PITPNM3: variants seen among roughly 807,000 people sequenced by gnomAD.
PITPNM3 encodes PITPNM family member 3.
PITPNM3 carries 26 observed loss-of-function variants against 102.0 expected under a neutral mutation model. That is an observed-to-expected ratio of 0.25 (90% CI 0.19 to 0.35). The LOEUF (loss-of-function observed/expected upper bound fraction) is 0.35. PITPNM3 is among the 10% of genes least tolerant of loss of function. The pLI is 1.00. For synonymous variants in PITPNM3, 578 were observed against 558.6 expected (o/e 1.03, Z -0.49); for missense variants, 1,083 against 1,346.1 (o/e 0.80, Z 3.06).
chr17:6,482,528 A>C (rs1905803522), intron 6 of PITPNM3, among the ~76,000 whole-genome samples: 1 of 152,134 alleles, frequency 6.6e-6, no homozygotes, highest in African/African-American at 2.4e-5. Flanking sequence ...CCGATCTAGC[A>C]ATTAATTGAA....
chr17:6,502,122 T>A (rs1484468231), intron 4 of PITPNM3, among the ~76,000 whole-genome samples: 2 of 152,222 alleles, frequency 1.3e-5, no homozygotes, highest in African/African-American at 4.8e-5. Flanking sequence ...AAGGGCTTTG[T>A]CTATGAAATT....
intron 1 of PITPNM3, among the ~76,000 whole-genome samples, chr17:6,551,735 AT>A (rs199818713): frequency 0.017 from 2,525 of 149,472 alleles, 89 homozygotes; most frequent in East Asian, 0.13. Flanking sequence ...TATTAAAAAA[AT>A]TTTTTTTTTT....
chr17:6,478,223 G>A lies in PITPNM3; in HGVS notation c.778-126C>T, dbSNP rs1449840382. Reference sequence around the variant, plus strand: ...CTCGTCCTTGGGAGGTGTTGAGAGAGCCCAACTGGGAAGCAGTGTGCAAAC... The same window carrying A: ...CTCGTCCTTGGGAGGTGTTGAGAGAACCCAACTGGGAAGCAGTGTGCAAAC... On this transcript the variant is annotated intron_variant, in intron 7 of 19. Coordinates refer to ENST00000262483, the MANE Select transcript of PITPNM3 (RefSeq NM_031220.4). This position sits in a 1 kb window ranked among gnomAD's most constrained non-coding sequence, Gnocchi z 4.4. 4 of 1,482,020 alleles carry A rather than the reference G, an allele frequency of 2.7e-6. No individual in the cohort carries two copies. The highest frequency in any genetic ancestry group is 3.7e-5 in the Admixed American group (2 of 53,604). The allele number at this position is 1,482,020 out of a possible 1,614,324, so 91.8% of individuals were successfully genotyped here.
At chr17:6,460,215 C>T (rs1042652290) in intron 18 of PITPNM3, among the ~76,000 whole-genome samples, 20 of 152,214 alleles carry the variant, frequency 1.3e-4, no homozygotes, top group Non-Finnish European at 1.8e-4. Context: ...AAGCCTGGAA[C>T]GTCCCAAGCT....
chr17:6,478,443 T>C lies in PITPNM3; in HGVS notation c.777+104A>G, dbSNP rs1905450086. The C allele has an allele frequency of 7.0e-7, 1 of 1,434,558 alleles. No homozygotes were observed. Among genetic ancestry groups the C allele is most frequent in the Non-Finnish European group, 9.6e-7 (1 of 1,036,910 alleles). The allele number at this position is 1,434,558 out of a possible 1,614,324, so 88.9% of individuals were successfully genotyped here. ...AGCCACCTTTGGGCTCAGAGGCTGATTCGAGAACAGCCTGGCCTTGGCCCT... is the reference window on the plus strand; with the variant it reads ...AGCCACCTTTGGGCTCAGAGGCTGACTCGAGAACAGCCTGGCCTTGGCCCT... On this transcript the variant is annotated intron_variant, in intron 7 of 19. Transcript: ENST00000262483. The surrounding 1 kb of genome is among the most constrained non-coding windows in gnomAD (Gnocchi z 4.4).
chr17:6,501,133 C>T (rs897619394), intron 4 of PITPNM3, among the ~76,000 whole-genome samples: 18 of 152,214 alleles, frequency 1.2e-4, no homozygotes, highest in African/African-American at 4.1e-4. Flanking sequence ...GGTTTGGCAT[C>T]CCGGAGACAA....
chr17:6,510,951 T>C (rs9910140), intron 3 of PITPNM3, among the ~76,000 whole-genome samples: 55,613 of 152,082 alleles, frequency 0.37, 10,271 homozygotes, highest in Admixed American at 0.4. Context: ...CCCCTGGCCA[T>C]TTGACTAGGA....
In PITPNM3 at chr17:6,452,964, C is replaced by T. The variant is rs1266846090; in HGVS notation, c.*2374G>A. The stretch of plus-strand genomic sequence containing the variant: ...ATGAGCTCTCTCTCTCTCTTCCTCT[C>T]TCTCTCTCTCTTCCTCTCTCTCTCT... On this transcript the variant is annotated 3_prime_UTR_variant, in exon 20 of 20. Coordinates refer to ENST00000262483, the MANE Select transcript of PITPNM3 (RefSeq NM_031220.4). 1 of 149,226 alleles carries T rather than the reference C, an allele frequency of 6.7e-6. No individual in the cohort carries two copies. The highest frequency in any genetic ancestry group is 1.5e-5 in the Non-Finnish European group (1 of 67,746). The allele number at this position is 149,226 out of a possible 1,614,324, so 9.2% of individuals were successfully genotyped here.
intron 3 of PITPNM3, among the ~76,000 whole-genome samples, chr17:6,516,865 A>G (rs1459917572): frequency 2.6e-5 from 4 of 152,142 alleles, no homozygotes; most frequent in Admixed American, 2.6e-4. Context: ...CCCTGTCTCT[A>G]TTAAAAAAAG....
At position 6,491,117 on chromosome 17, in the gene PITPNM3, G is replaced by A. The variant is rs146506913; in HGVS notation, c.275-6825C>T. On this transcript the variant is annotated intron_variant, in intron 4 of 19. Coordinates refer to ENST00000262483, the MANE Select transcript of PITPNM3 (RefSeq NM_031220.4). ...GAAGGGAGGGGAGGGGAGGGGAGGC[G>A]AGGGGAGGGGAGGGGAGCAGTGGCT... 0.012 allele frequency among the ~76,000 whole-genome samples: 1,261 copies of A among 109,292 alleles called. 41 individuals carry two copies. The East Asian group carries it at 0.12, about 11-fold the overall frequency. 71.7% of individuals were successfully genotyped at this position (109,292 alleles called of 152,430 possible).
rs774022732 is a variant in PITPNM3 at position 6,471,333 on chromosome 17, G to A, written c.1452C>T (p.Ser484=). Residue 484 remains serine, a synonymous_variant, in exon 12 of 20, where the codon AGC becomes AGT. Coordinates refer to ENST00000262483, the MANE Select transcript of PITPNM3 (RefSeq NM_031220.4). ...LLLADALHTH[S]PLFLEGSSRD... is the part of the protein sequence containing the mutation. ...GGGAGCTGCCCTCCAGGAAGAGGGGGCTGTGGGTGTGTAGGGCATCAGCTG... is the reference window on the plus strand; with the variant it reads ...GGGAGCTGCCCTCCAGGAAGAGGGGACTGTGGGTGTGTAGGGCATCAGCTG... The A allele has an allele frequency of 6.2e-7, 1 of 1,604,778 alleles. No homozygotes were observed. Among genetic ancestry groups the A allele is most frequent in the Non-Finnish European group, 8.5e-7 (1 of 1,177,198 alleles).
chr17:6,492,530 G>C (rs932548441), intron 4 of PITPNM3, among the ~76,000 whole-genome samples: 5 of 152,146 alleles, frequency 3.3e-5, no homozygotes, highest in African/African-American at 9.7e-5. Flanking sequence ...TGTGGAACAT[G>C]ATGAGTGAAT....
chr17:6,462,961 A>C (rs1279355461), intron 17 of PITPNM3, among the ~76,000 whole-genome samples: 1 of 152,098 alleles, frequency 6.6e-6, no homozygotes, highest in Admixed American at 6.5e-5. Flanking sequence ...GAAGGACCAC[A>C]GCCTCCCCTT....
chr17:6,463,397 C>A (rs1235906290), intron 17 of PITPNM3, among the ~76,000 whole-genome samples: 2 of 66,122 alleles, frequency 3.0e-5, no homozygotes, highest in African/African-American at 1.3e-4. Context: ...CAGAAAGCAG[C>A]GGATGCGTGC....
chr17:6,537,861 T>C lies in PITPNM3; in HGVS notation c.118+126A>G, dbSNP rs1033550690. ...TTGGCACATCCACAGGATGGGTAAG[T>C]ATGGAGTGTGGAGCTGCAGATACCA... On this transcript the variant is annotated intron_variant, in intron 2 of 19. Transcript: ENST00000262483. This position sits in a 1 kb window ranked among gnomAD's most constrained non-coding sequence, Gnocchi z 4.4. 8 of 804,466 alleles carry C rather than the reference T, an allele frequency of 9.9e-6. No homozygotes were observed. The highest frequency in any genetic ancestry group is 1.7e-5 in the Non-Finnish European group (8 of 466,724). 49.8% of individuals were successfully genotyped at this position (804,466 alleles called of 1,614,324 possible).
intron 19 of PITPNM3, among the ~76,000 whole-genome samples, chr17:6,456,197 A>G (rs1233096281): frequency 1.3e-5 from 2 of 151,808 alleles, no homozygotes; most frequent in African/African-American, 4.8e-5. Context: ...CTCATTTTTT[A>G]AATTTTTTGT....
intron 3 of PITPNM3, among the ~76,000 whole-genome samples, chr17:6,513,630 T>A (rs1907993924): frequency 6.6e-6 from 1 of 152,208 alleles, no homozygotes; most frequent in African/African-American, 2.4e-5. Context: ...CTTTAAAACA[T>A]CATTGAAAGA....
At chr17:6,542,799 C>T (rs1909803202) in intron 1 of PITPNM3, among the ~76,000 whole-genome samples, 1 of 152,234 alleles carries the variant, frequency 6.6e-6, no homozygotes, top group Non-Finnish European at 1.5e-5. Flanking sequence ...TCCCCAAGGC[C>T]TCAGAGCTCT....
chr17:6,463,669 C>G, intron 17 of PITPNM3, 63 bp downstream of exon 17: 1 of 1,571,720 alleles, frequency 6.4e-7, no homozygotes, highest in South Asian at 1.1e-5. Flanking sequence ...CAACATATTT[C>G]CCCCAGGGCT....
Sources: gnomAD v4.1 joint callset for allele counts (sites outside exome capture counted in the v4.1 genomes callset) on GRCh38, gnomAD v4.1.1 for gene constraint, Gnocchi (gnomAD v3.1) non-coding constraint, MANE v1.5 for transcripts, NCBI Gene and HGNC (gene_info 2026-07-23, HGNC 2026-07-21) for gene names.